Variants in CD2 observed in about 807,000 individuals in gnomAD.
CD2 encodes the protein T-cell surface antigen CD2.
In CD2, 18 loss-of-function variants were observed where a neutral mutation model predicts 23.2. The observed-to-expected ratio is 0.77, with a 90% CI of 0.54 to 1.15. The LOEUF (loss-of-function observed/expected upper bound fraction) is 1.15. CD2 is among the 50% of genes most tolerant of loss of function. The pLI is 0.00. For synonymous variants in CD2, 162 were observed against 151.9 expected, an observed-to-expected ratio of 1.07 and a Z score of -0.49; for missense variants, 424 against 423.1, an observed-to-expected ratio of 1.00 and a Z score of -0.02.
At position 116,758,248 on chromosome 1, in the gene CD2, G is replaced by A. The variant is rs553743372; in HGVS notation, c.383-2154G>A. ...TGATTGGAGTTGAAAGCCCACGGAT[G>A]CTGGGCAGGGAGTGATAAGAAGGGA... On this transcript the variant is annotated intron_variant, in intron 2 of 4. Transcript: ENST00000369478. Among the ~76,000 whole-genome samples, 11 of 152,206 alleles carry A rather than the reference G, an allele frequency of 7.2e-5. No homozygotes were observed. The South Asian group carries it at 2.3e-3, about 32-fold the overall frequency.
intron 3 of CD2, among the ~76,000 whole-genome samples, chr1:116,761,610 C>T (rs555427271): frequency 5.4e-4 from 82 of 152,322 alleles, no homozygotes; most frequent in African/African-American, 1.9e-3. Flanking sequence ...ATCACTTCTG[C>T]TGTGTTCTGT....
chr1:116,760,235 A>G (rs1571240156), intron 2 of CD2, among the ~76,000 whole-genome samples, 167 bp from the exon 3 acceptor site: 1 of 152,226 alleles, frequency 6.6e-6, no homozygotes, highest in East Asian at 1.9e-4. Flanking sequence ...TTTTTTCTGA[A>G]TGCTCTTTGT....
chr1:116,763,971 G>A (rs1332186856), intron 3 of CD2, among the ~76,000 whole-genome samples: 2 of 152,082 alleles, frequency 1.3e-5, no homozygotes, highest in African/African-American at 4.8e-5. Context: ...AAACTGCCTG[G>A]TAGAGACAGT....
chr1:116,759,954 A>G (rs890052051), intron 2 of CD2, among the ~76,000 whole-genome samples: 6 of 152,152 alleles, frequency 3.9e-5, no homozygotes, highest in Admixed American at 1.3e-4. Flanking sequence ...CTGTTAAAGC[A>G]TTGCCTTTCT....
chr1:116,760,749 A>G lies in CD2; in HGVS notation c.613+117A>G, dbSNP rs148063554. ...AGGCAGCCCTGGCTCAGGATGAGGC[A>G]TGAAAGCATATCTCTTCCTCCTGGA... On this transcript the variant is annotated intron_variant, in intron 3 of 4. Coordinates refer to ENST00000369478, the MANE Select transcript of CD2 (RefSeq NM_001767.5). 24 of 732,472 alleles carry G rather than the reference A, an allele frequency of 3.3e-5. No homozygotes were observed. The African/African-American group carries it at 4.2e-4, about 13-fold the overall frequency. 45.4% of individuals were successfully genotyped at this position (732,472 alleles called of 1,614,324 possible).
chr1:116,765,908 G>T (rs992302412), intron 4 of CD2, among the ~76,000 whole-genome samples: 2 of 152,262 alleles, frequency 1.3e-5, no homozygotes, highest in African/African-American at 4.8e-5. Flanking sequence ...AGTGCATCCA[G>T]CTTTCAGAGT....
In CD2 at chr1:116,760,385, C is replaced by A; in HGVS notation, c.383-17C>A. ...GAAAATTGCCTAAATTGAACTGAAT[C>A]TTTACTTTCTTTTTAGAGAGGGTCT... On this transcript the variant is annotated splice_polypyrimidine_tract_variant and intron_variant, in intron 2 of 4. Transcript: ENST00000369478. 2 of 1,603,510 alleles carry A rather than the reference C, an allele frequency of 1.2e-6. No homozygotes were observed. The highest frequency in any genetic ancestry group is 1.7e-6 in the Non-Finnish European group (2 of 1,171,254).
Position 116,769,039 on chromosome 1 carries a change from A to G in CD2, c.*256A>G, listed in dbSNP as rs1385797984. ...TGATTGCAAGAATGGTAGAGGACCG[A>G]GCACAGAAATCTTAGAGATTTCTTG... On this transcript the variant is annotated 3_prime_UTR_variant, in exon 5 of 5. Coordinates refer to ENST00000369478, the MANE Select transcript of CD2 (RefSeq NM_001767.5). 4.5e-6 allele frequency: 2 copies of G among 449,350 alleles called. No individual in the cohort carries two copies. Among genetic ancestry groups the G allele is most frequent in the African/African-American group, 4.0e-5 (2 of 50,512 alleles). 27.8% of individuals were successfully genotyped at this position (449,350 alleles called of 1,614,324 possible).
intron 3 of CD2, among the ~76,000 whole-genome samples, chr1:116,763,617 T>C (rs1022888058): frequency 6.6e-6 from 1 of 152,208 alleles, no homozygotes; most frequent in Non-Finnish European, 1.5e-5. Flanking sequence ...ATATCCATTA[T>C]CTGATTGACT....
At chr1:116,755,061 T>C (rs1447193738) in intron 2 of CD2, 110 bp downstream of exon 2, 1 of 736,388 alleles carries the variant, frequency 1.4e-6, no homozygotes, top group African/African-American at 1.8e-5. Flanking sequence ...CCAGGGGGGC[T>C]ATACAGGAAA....
intron 2 of CD2, among the ~76,000 whole-genome samples, chr1:116,758,769 CT>C (rs1651943441): frequency 1.3e-5 from 2 of 152,076 alleles, no homozygotes; most frequent in African/African-American, 4.8e-5. Context: ...GGGTCAAGTG[CT>C]TGCTTACATG....
Position 116,768,710 on chromosome 1 carries a change from T to C in CD2, c.983T>C (p.Leu328Pro), listed in dbSNP as rs778399584. ...GTTCACCAGCAGAAAGGCCCGCCCC[T>C]CCCCAGACCTCGAGTTCAGCCAAAA... ...TQVHQQKGPP[L>P]PRPRVQPKPP... Residue 328 changes from leucine to proline, a missense_variant, in exon 5 of 5, where the codon CTC becomes CCC. Coordinates refer to ENST00000369478, the MANE Select transcript of CD2 (RefSeq NM_001767.5). 1 of 1,613,948 alleles carries C rather than the reference T, an allele frequency of 6.2e-7. No individual in the cohort carries two copies. The highest frequency in any genetic ancestry group is 8.5e-7 in the Non-Finnish European group (1 of 1,179,996).
intron 4 of CD2, among the ~76,000 whole-genome samples, chr1:116,767,042 C>A (rs1000479252): frequency 7.9e-5 from 12 of 152,128 alleles, no homozygotes; most frequent in African/African-American, 2.4e-4. Context: ...GCAATGACTG[C>A]AGGGCACGGA....
rs551441473 is a variant in CD2, at chr1:116,766,191, C to T, written c.736+1585C>T. The stretch of plus-strand genomic sequence containing the variant: ...AGGAGATGCAAACAAGGGAGAAGGA[C>T]AATGAGCCTGGAGGAATTCCTGGGA... On this transcript the variant is annotated intron_variant, in intron 4 of 4. Transcript: ENST00000369478. Among the ~76,000 whole-genome samples, 23 of 152,350 alleles carry T rather than the reference C, an allele frequency of 1.5e-4. No individual in the cohort carries two copies. The South Asian group carries it at 4.8e-3, about 32-fold the overall frequency.
chr1:116,760,089 A>G lies in CD2; in HGVS notation c.383-313A>G, dbSNP rs144598756. Among the ~76,000 whole-genome samples the G allele has an allele frequency of 1.1e-4, 16 of 152,314 alleles. No individual in the cohort carries two copies. In the East Asian group the frequency reaches 3.1e-3, roughly 29 times the overall value. ...ACATTTTGTCTGTAAATGGGAAGAA[A>G]AACATCAGCCTGTCTGTTAGGGTTA... On this transcript the variant is annotated intron_variant, in intron 2 of 4. Coordinates refer to ENST00000369478, the MANE Select transcript of CD2 (RefSeq NM_001767.5).
At position 116,768,848 on chromosome 1, in the gene CD2, T is replaced by C; in HGVS notation, c.*65T>C. On this transcript the variant is annotated 3_prime_UTR_variant, in exon 5 of 5. Transcript: ENST00000369478. ...GATTTCTGCCCTCCTGATGTGCATA[T>C]CCGTACTTCCATGAGGTGTTTTCTG... 1 of 1,452,956 alleles carries C rather than the reference T, an allele frequency of 6.9e-7. No individual in the cohort carries two copies. Among genetic ancestry groups the C allele is most frequent in the Non-Finnish European group, 9.4e-7 (1 of 1,065,110 alleles). 90.0% of individuals were successfully genotyped at this position (1,452,956 alleles called of 1,614,324 possible).
rs1287306017 is a variant in CD2, at chr1:116,764,616, C to T, written c.736+10C>T. On this transcript the variant is annotated intron_variant, in intron 4 of 4. Transcript: ENST00000369478. ...AGGAGTCGGAGAAATGGTAAGCTCC[C>T]CCTCTTTTGTCCCACCGCAGGCCCC... 2 of 1,611,580 alleles carry T rather than the reference C, an allele frequency of 1.2e-6. No homozygotes were observed. The highest frequency in any genetic ancestry group is 2.2e-5 in the East Asian group (1 of 44,870).
intron 3 of CD2, among the ~76,000 whole-genome samples, chr1:116,760,875 C>T (rs798043): frequency 0.29 from 43,709 of 152,108 alleles, 6,531 homozygotes; most frequent in East Asian, 0.47. Context: ...TTTAAAGATC[C>T]TCTTCTAGGA....
intron 2 of CD2, among the ~76,000 whole-genome samples, chr1:116,759,920 C>A (rs140951486): frequency 2.3e-3 from 344 of 152,346 alleles, no homozygotes; most frequent in African/African-American, 8.0e-3. Flanking sequence ...TGTGGTGATT[C>A]CTCCAGGATG....
Sources: allele counts gnomAD v4.1 joint callset (sites outside exome capture counted in the v4.1 genomes callset), GRCh38; gene constraint gnomAD v4.1.1; transcripts MANE v1.5; gene names NCBI Gene and HGNC (gene_info 2026-07-23, HGNC 2026-07-21).